NHEJ1: variants seen among roughly 807,000 people sequenced by gnomAD.
The protein encoded by NHEJ1 is non-homologous end-joining factor 1.
A neutral mutation model predicts 39.4 loss-of-function variants in NHEJ1; 22 were observed. The observed-to-expected ratio is 0.56, with a 90% CI of 0.40 to 0.80. The LOEUF is 0.80. Ranked by LOEUF, NHEJ1 falls within the 30% of genes least tolerant of loss-of-function variation. The pLI, the probability that NHEJ1 is intolerant of heterozygous loss-of-function variation, is 0.00. For synonymous variants in NHEJ1, 154 were observed against 135.6 expected, an observed-to-expected ratio of 1.14 and a Z score of -0.94; for missense variants, 329 against 357.1, an observed-to-expected ratio of 0.92 and a Z score of 0.63.
intron 5 of NHEJ1, among the ~76,000 whole-genome samples, chr2:219,130,648 G>C (rs558492132): frequency 6.6e-6 from 1 of 152,288 alleles, no homozygotes; most frequent in East Asian, 1.9e-4. Flanking sequence ...CTCCAGCTGT[G>C]CAAAGCCCCA....
rs1162121748 is a variant in NHEJ1 at position 219,070,683 on chromosome 2, T to C, written c.*5698A>G. On this transcript the variant is annotated 3_prime_UTR_variant, in exon 8 of 8. Transcript: ENST00000356853. ...ATCCAGACACTCAATCTTTTCTTTC[T>C]TTTTTTTTTTTAATTCAAAATACCA... 1.4e-5 allele frequency among the ~76,000 whole-genome samples: 2 copies of C among 142,988 alleles called. No homozygotes were observed. Among genetic ancestry groups the C allele is most frequent in the Non-Finnish European group, 3.1e-5 (2 of 64,804 alleles). 93.8% of individuals were successfully genotyped at this position (142,988 alleles called of 152,430 possible). A position where few individuals can be genotyped will look rare whatever the true frequency, so the allele number is the denominator to read the frequency against.
intron 5 of NHEJ1, among the ~76,000 whole-genome samples, chr2:219,081,480 G>A (rs965908561): frequency 1.3e-5 from 2 of 152,178 alleles, no homozygotes; most frequent in African/African-American, 4.8e-5. Flanking sequence ...CCTGTAGAAC[G>A]TGTTCATCTG....
chr2:219,159,400 G>A (rs919794575), intron 1 of NHEJ1: 3 of 151,442 alleles, frequency 2.0e-5, no homozygotes, highest in African/African-American at 4.9e-5. Context: ...ATGAACAGAA[G>A]TACCAGGAAG....
chr2:219,090,344 C>T (rs1431029294), intron 5 of NHEJ1, among the ~76,000 whole-genome samples: 2 of 152,210 alleles, frequency 1.3e-5, no homozygotes, highest in African/African-American at 2.4e-5. Flanking sequence ...AATGATATTA[C>T]TGCCTGCACT....
At chr2:219,086,574 G>A (rs1439394843) in intron 5 of NHEJ1, among the ~76,000 whole-genome samples, 1 of 152,230 alleles carries the variant, frequency 6.6e-6, no homozygotes, top group Non-Finnish European at 1.5e-5. Context: ...CACCCCTTGA[G>A]TGTCCTCCAA....
intron 5 of NHEJ1, among the ~76,000 whole-genome samples, chr2:219,099,744 C>A (rs1428024956): frequency 2.0e-5 from 3 of 151,854 alleles, no homozygotes; most frequent in Non-Finnish European, 4.4e-5. Context: ...GAGAGTGCGG[C>A]AGAAAAGACA....
chr2:219,088,456 G>A (rs1949131493), intron 5 of NHEJ1, among the ~76,000 whole-genome samples: 1 of 151,716 alleles, frequency 6.6e-6, no homozygotes. Context: ...TCATGCCACT[G>A]CAAGCCAGCC....
At chr2:219,079,089 G>T (rs1351634677) in intron 5 of NHEJ1, among the ~76,000 whole-genome samples, 1 of 152,194 alleles carries the variant, frequency 6.6e-6, no homozygotes, top group Non-Finnish European at 1.5e-5. Context: ...AAAATACTTT[G>T]CCTAGTTGTA....
At chr2:219,150,108 T>C (rs768371094) in intron 3 of NHEJ1, among the ~76,000 whole-genome samples, 14 of 152,222 alleles carry the variant, frequency 9.2e-5, no homozygotes, top group Non-Finnish European at 1.2e-4. Flanking sequence ...GACCTTTGTG[T>C]TTTCATTTTC....
At chr2:219,160,245 TG>T (rs1949918765) in intron 1 of NHEJ1, among the ~76,000 whole-genome samples, 1 of 152,164 alleles carries the variant, frequency 6.6e-6, no homozygotes, top group Admixed American at 6.5e-5. Context: ...TCCGACGCCC[TG>T]CAGAGGGCAG....
At chr2:219,146,632 A>G in intron 5 of NHEJ1, 48 bp downstream of exon 5, 2 of 1,469,848 alleles carry the variant, frequency 1.4e-6, no homozygotes, top group Non-Finnish European at 1.9e-6. Context: ...AGGCACCTGG[A>G]AAGAGGAAGT....
rs148196985 is a variant in NHEJ1, at chr2:219,081,419, A to G, written c.589-3213T>C. ...CCAGGAGCACGATGTACCGGCCACA[A>G]TGCGGGTCACTGCCCAAAGTGGGGA... On this transcript the variant is annotated intron_variant, in intron 5 of 7. Transcript: ENST00000356853. Among the ~76,000 whole-genome samples, 723 of 152,318 alleles carry G rather than the reference A, an allele frequency of 4.7e-3. 9 individuals are homozygous for G. The highest frequency in any genetic ancestry group is 0.017 in the African/African-American group (690 of 41,574).
chr2:219,114,936 G>C (rs906486808), intron 5 of NHEJ1, among the ~76,000 whole-genome samples: 4 of 152,122 alleles, frequency 2.6e-5, no homozygotes, highest in South Asian at 2.1e-4. Context: ...TTCAAGCCAA[G>C]GGAAAACGCT....
chr2:219,157,991 T>TCTCACACACA (rs1179798749), intron 2 of NHEJ1, among the ~76,000 whole-genome samples, 195 bp downstream of exon 2: 3 of 99,176 alleles, frequency 3.0e-5, no homozygotes, highest in African/African-American at 1.0e-4. Flanking sequence ...TCTCTCTCTC[T>TCTCACACACA]CACACACACA....
chr2:219,145,298 CCTT>C (rs1372096540), intron 5 of NHEJ1, among the ~76,000 whole-genome samples: 2 of 152,332 alleles, frequency 1.3e-5, no homozygotes, highest in African/African-American at 2.4e-5. Context: ...TACAAGTTTT[CCTT>C]CTTCTTCAGA....
At chr2:219,113,030 T>A (rs1949380001) in intron 5 of NHEJ1, among the ~76,000 whole-genome samples, 1 of 152,136 alleles carries the variant, frequency 6.6e-6, no homozygotes, top group African/African-American at 2.4e-5. Context: ...ATGCTATACA[T>A]CTTAAAATCA....
intron 5 of NHEJ1, among the ~76,000 whole-genome samples, chr2:219,080,643 A>C (rs397180): frequency 2.4e-5 from 2 of 83,372 alleles, no homozygotes; most frequent in Non-Finnish European, 5.0e-5. Flanking sequence ...ATATAAGCTT[A>C]TATATATGCT....
intron 3 of NHEJ1, among the ~76,000 whole-genome samples, chr2:219,150,678 G>A (rs949277652): frequency 1.1e-4 from 16 of 152,052 alleles, no homozygotes; most frequent in Admixed American, 2.6e-4. Context: ...AAAATTGGCC[G>A]GACGCAGTGG....
intron 5 of NHEJ1, among the ~76,000 whole-genome samples, chr2:219,121,684 T>C (rs1017748896): frequency 1.3e-5 from 2 of 151,794 alleles, no homozygotes; most frequent in South Asian, 4.2e-4. Flanking sequence ...CTACTAAAAA[T>C]ACAAAAAATC....
Sources: allele counts gnomAD v4.1 joint callset (sites outside exome capture counted in the v4.1 genomes callset), GRCh38; gene constraint gnomAD v4.1.1; transcripts MANE v1.5; gene names NCBI Gene and HGNC (gene_info 2026-07-23, HGNC 2026-07-21).